NMRAL1: variants seen among roughly 807,000 people sequenced by gnomAD.
NMRAL1 encodes NmrA like redox sensor 1, also known as nmrA-like family domain-containing protein 1.
A neutral mutation model predicts 27.5 loss-of-function variants in NMRAL1; 32 were observed. The ratio of observed to expected loss-of-function variants is 1.16; its 90% CI spans 0.88 to 1.56. The LOEUF (loss-of-function observed/expected upper bound fraction) is 1.56. Among genes scored for constraint, NMRAL1 ranks in the 40% most tolerant of loss-of-function variants. NMRAL1 has a pLI of 0.00. For synonymous variants in NMRAL1, 166 were observed against 166.8 expected, an observed-to-expected ratio of 1.00 and a Z score of 0.04; for missense variants, 420 against 392.0, an observed-to-expected ratio of 1.07 and a Z score of -0.60.
chr16:4,474,937 TC>T (rs2057772835), upstream of NMRAL1: 1 of 152,094 alleles, frequency 6.6e-6, no homozygotes, highest in Non-Finnish European at 1.5e-5. Context: ...TTTGCCTAAC[TC>T]ACTTTTAAAA....
At chr16:4,474,802 G>A (rs2141479842), upstream of NMRAL1, 1 of 152,444 alleles carries the variant, frequency 6.6e-6, no homozygotes, top group African/African-American at 2.4e-5. Context: ...ACTGGGAGGA[G>A]GAGAAAAATT....
rs776130933 is a variant in NMRAL1, at chr16:4,466,295, G to T, written c.387C>A (p.His129Gln). The change falls in exon 4 of 6, where the codon CAC (histidine) becomes CAA (glutamine). Residue 129 changes from histidine (H) to glutamine (Q), a missense_variant. Coordinates refer to ENST00000283429, the MANE Select transcript of NMRAL1 (RefSeq NM_020677.6). Reference protein sequence around the residue: ...KLTAGRLAAAHFDGKGEVEEY... With the variant: ...KLTAGRLAAAQFDGKGEVEEY... The stretch of plus-strand genomic sequence containing the variant: ...CCTCCACCTCCCCTTTGCCGTCAAA[G>T]TGCGCGGCGGCCAATCTCCCTGCCG... 18 of 1,613,954 alleles carry T rather than the reference G, an allele frequency of 1.1e-5. No homozygotes were observed. Among genetic ancestry groups the T allele is most frequent in the African/African-American group, 5.3e-5 (4 of 74,918 alleles).
intron 1 of NMRAL1, 152 bp downstream of exon 1, chr16:4,474,402 G>C (rs1048463351): frequency 2.1e-6 from 1 of 474,608 alleles, no homozygotes; most frequent in African/African-American, 2.0e-5. Flanking sequence ...CCCCGGCCCG[G>C]GTCCCACCGG....
At chr16:4,464,153 C>A (rs1482499659) in intron 4 of NMRAL1, 2 of 465,788 alleles carry the variant, frequency 4.3e-6, no homozygotes, top group African/African-American at 2.0e-5. Flanking sequence ...TCTCTCAGCG[C>A]TAGGATGACA....
intron 5 of NMRAL1, 24 bp downstream of exon 5, chr16:4,463,636 A>G (rs745485442): frequency 6.2e-7 from 1 of 1,610,220 alleles, no homozygotes; most frequent in Non-Finnish European, 8.5e-7. Context: ...AGGATGCCTG[A>G]GTCACCTGGG....
chr16:4,468,195 G>A (rs901966583), intron 3 of NMRAL1, among the ~76,000 whole-genome samples: 21 of 152,092 alleles, frequency 1.4e-4, no homozygotes, highest in Non-Finnish European at 1.0e-4. Flanking sequence ...TCAGCTATTC[G>A]GGAGGCTGGG....
In NMRAL1 at chr16:4,466,374, C is replaced by A. The variant is rs576274987; in HGVS notation, c.308G>T (p.Arg103Leu). 3 of 1,612,966 alleles carry A rather than the reference C, an allele frequency of 1.9e-6. No homozygotes were observed. Among genetic ancestry groups the A allele is most frequent in the East Asian group, 4.5e-5 (2 of 44,864 alleles). The change falls in exon 4 of 6, where the codon CGC becomes CTC. Residue 103 changes from arginine to leucine, a missense_variant. Physicochemically the swap from Arg to Leu is moderately radical, Grantham distance 102. Coordinates refer to ENST00000283429, the MANE Select transcript of NMRAL1 (RefSeq NM_020677.6). Reference sequence around the variant, plus strand: ...GTAGACCACATAGTGGAGGCCCAGGCGCCTGGCCAGATCAGCGAGCAGCTT... The same window carrying A: ...GTAGACCACATAGTGGAGGCCCAGGAGCCTGGCCAGATCAGCGAGCAGCTT... Reference protein sequence around the residue: ...QGKLLADLARRLGLHYVVYSG... With the variant: ...QGKLLADLARLLGLHYVVYSG...
At chr16:4,471,216 C>G (rs556088840) in intron 2 of NMRAL1, 1 of 152,044 alleles carries the variant, frequency 6.6e-6, no homozygotes, top group South Asian at 2.1e-4. Flanking sequence ...TGCTCAAAAA[C>G]GAGACAAAGA....
At chr16:4,470,743 C>A (rs960479389) in intron 2 of NMRAL1, among the ~76,000 whole-genome samples, 1 of 151,792 alleles carries the variant, frequency 6.6e-6, no homozygotes, top group East Asian at 1.9e-4. Flanking sequence ...GTCAGGAGAT[C>A]GAGACCATCC....
upstream of NMRAL1, chr16:4,476,186 C>G (rs188726421): frequency 6.6e-6 from 1 of 152,476 alleles, no homozygotes; most frequent in Non-Finnish European, 1.5e-5. Flanking sequence ...CACCCTCACA[C>G]ACCTCGGCTC....
In NMRAL1 at chr16:4,463,819, G is replaced by A. The variant is rs761264438; in HGVS notation, c.561C>T (p.Gly187=). 1.2e-6 allele frequency: 2 copies of A among 1,613,822 alleles called. No homozygotes were observed. The highest frequency in any genetic ancestry group is 3.3e-4 in the Middle Eastern group (2 of 6,058). Residue 187 remains glycine, a synonymous_variant, in exon 5 of 6, where the codon GGC becomes GGT. Transcript: ENST00000283429. ...CAGGACCCAGGTCAGACACGGACATGCCATCCATGGGAACGTCACCTGTGG... is the reference window on the plus strand; with the variant it reads ...CAGGACCCAGGTCAGACACGGACATACCATCCATGGGAACGTCACCTGTGG... ...SLPTGDVPMD[G]MSVSDLGPVV...
At chr16:4,465,709 G>C (rs1441713873) in intron 4 of NMRAL1, among the ~76,000 whole-genome samples, 1 of 152,134 alleles carries the variant, frequency 6.6e-6, no homozygotes, top group African/African-American at 2.4e-5. Flanking sequence ...TGCCAGTACA[G>C]GTGGGTGGCA....
intron 1 of NMRAL1, 24 bp from the exon 2 acceptor site, chr16:4,474,190 G>A: frequency 6.4e-7 from 1 of 1,572,364 alleles, no homozygotes; most frequent in Admixed American, 1.7e-5. Flanking sequence ...GAGGCGTGGA[G>A]TTGGGGGTGG....
intron 3 of NMRAL1, among the ~76,000 whole-genome samples, chr16:4,468,290 G>A (rs773593886): frequency 1.8e-4 from 27 of 151,528 alleles, no homozygotes; most frequent in Non-Finnish European, 4.0e-4. Flanking sequence ...CAACAAAAGC[G>A]AAACTCGGCC....
chr16:4,466,044 G>A, intron 4 of NMRAL1, 109 bp downstream of exon 4: 1 of 1,368,178 alleles, frequency 7.3e-7, no homozygotes, highest in South Asian at 1.3e-5. Context: ...TAACGTGAGG[G>A]AGCCACGGCT....
At chr16:4,472,658 C>T (rs905834226) in intron 2 of NMRAL1, among the ~76,000 whole-genome samples, 2 of 150,206 alleles carry the variant, frequency 1.3e-5, no homozygotes, top group African/African-American at 2.5e-5. Context: ...ACAGGAGAAT[C>T]GCTTGAACCC....
At position 4,466,368 on chromosome 16, in the gene NMRAL1, C is replaced by A; in HGVS notation, c.314G>T (p.Gly105Val). Residue 105 changes from glycine (G) to valine (V), a missense_variant, in exon 4 of 6, where the codon GGC (glycine) becomes GTC (valine). By Grantham distance (109) the Gly-to-Val change is moderately radical (BLOSUM62 -3). Coordinates refer to ENST00000283429, the MANE Select transcript of NMRAL1 (RefSeq NM_020677.6). ...KLLADLARRL[G>V]LHYVVYSGLE... ...GCCGCTGTAGACCACATAGTGGAGG[C>A]CCAGGCGCCTGGCCAGATCAGCGAG... is the stretch of plus-strand genomic sequence containing the variant. 6.2e-7 allele frequency: 1 copy of A among 1,613,232 alleles called. No homozygotes were observed. The highest frequency in any genetic ancestry group is 1.1e-5 in the South Asian group (1 of 91,038).
rs764688115 is a variant in NMRAL1 at position 4,461,848 on chromosome 16, G to T, written c.832C>A (p.Leu278Ile). Reference protein sequence around the residue: ...PDRDIELTLRLNPKALTLDQW... With the variant: ...PDRDIELTLRINPKALTLDQW... Reference sequence around the variant, plus strand: ...TCCAGCGTCAGGGCCTTGGGGTTGAGTCTCAGGGTCAGCTCGATGTCACGG... The same window carrying T: ...TCCAGCGTCAGGGCCTTGGGGTTGATTCTCAGGGTCAGCTCGATGTCACGG... Residue 278 changes from leucine (L) to isoleucine (I), a missense_variant, in exon 6 of 6, where the codon CTC becomes ATC. By Grantham distance (5) the Leu-to-Ile change is conservative. Transcript: ENST00000283429. 2.5e-6 allele frequency: 4 copies of T among 1,614,128 alleles called. No homozygotes were observed. In the East Asian group the frequency reaches 8.9e-5, roughly 36 times the overall value.
chr16:4,464,915 C>CAGCTTTGCAAACTATAATAAATGG, intron 4 of NMRAL1, among the ~76,000 whole-genome samples: 1 of 136,612 alleles, frequency 7.3e-6, no homozygotes, highest in East Asian at 2.2e-4. Context: ...CGTGCCCGGC[C>CAGCTTTGCAAACTATAATAAATGG]TTTTTTTTTT....
Sources: allele counts gnomAD v4.1 joint callset (sites outside exome capture counted in the v4.1 genomes callset), GRCh38; gene constraint gnomAD v4.1.1; transcripts MANE v1.5; gene names NCBI Gene and HGNC (gene_info 2026-07-23, HGNC 2026-07-21).